CNGB1: variants seen among roughly 807,000 people sequenced by gnomAD.
CNGB1 encodes the protein cyclic nucleotide gated channel subunit beta 1, also known as cyclic nucleotide-gated channel beta-1.
In CNGB1, 126 loss-of-function variants were observed where a neutral mutation model predicts 151.7. That is an observed-to-expected ratio of 0.83 (90% CI 0.72 to 0.96). The LOEUF (loss-of-function observed/expected upper bound fraction) is 0.96. CNGB1 is among the 40% of genes least tolerant of loss of function. The pLI is 0.00. For missense variants in CNGB1, 1,698 were observed against 1,627.0 expected (o/e 1.04, Z -0.75); for synonymous variants, 623 against 635.1 (o/e 0.98, Z 0.29).
intron 27 of CNGB1, among the ~76,000 whole-genome samples, chr16:57,903,111 G>A (rs896482400): frequency 6.6e-6 from 1 of 151,720 alleles, no homozygotes; most frequent in South Asian, 2.1e-4. Flanking sequence ...GAGAGAAAGC[G>A]AGGAGAGAGG....
At chr16:57,925,479 G>C (rs1021965334) in intron 17 of CNGB1, among the ~76,000 whole-genome samples, 2 of 152,186 alleles carry the variant, frequency 1.3e-5, no homozygotes, top group African/African-American at 4.8e-5. Flanking sequence ...ATGCAAGTTG[G>C]GAGTGGTAGG....
intron 12 of CNGB1, chr16:57,955,215 G>T (rs1567394590): frequency 1.3e-6 from 2 of 1,534,434 alleles, no homozygotes; most frequent in African/African-American, 1.4e-5. Context: ...AGAGGGAGGG[G>T]TTCGCTGTTC....
intron 25 of CNGB1, among the ~76,000 whole-genome samples, chr16:57,906,489 G>A (rs1960555235): frequency 6.6e-6 from 1 of 152,202 alleles, no homozygotes; most frequent in Non-Finnish European, 1.5e-5. Flanking sequence ...TGGGGAGTGT[G>A]GTAGGGGCTC....
Position 57,882,766 on chromosome 16 carries a change from T to G in CNGB1, c.*1398A>C, listed in dbSNP as rs1461470703. ...ATCCTCTTGATAAATATTCATTCCC[T>G]GAATGACCCTTTTTTCTTTTTTTTT... On this transcript the variant is annotated 3_prime_UTR_variant, in exon 33 of 33. Coordinates refer to ENST00000251102, the MANE Select transcript of CNGB1 (RefSeq NM_001297.5). 8.6e-5 allele frequency: 13 copies of G among 151,890 alleles called. No individual in the cohort carries two copies. The highest frequency in any genetic ancestry group is 3.1e-4 in the African/African-American group (13 of 41,380). 9.4% of individuals were successfully genotyped at this position (151,890 alleles called of 1,614,324 possible).
intron 14 of CNGB1, among the ~76,000 whole-genome samples, chr16:57,944,340 CAGA>C (rs1961747070): frequency 6.6e-6 from 1 of 151,942 alleles, no homozygotes; most frequent in South Asian, 2.1e-4. Context: ...GTTGAACTCA[CAGA>C]AGGAGAGAAT....
chr16:57,929,490 ACTTTTT>A, intron 17 of CNGB1, among the ~76,000 whole-genome samples: 1 of 150,746 alleles, frequency 6.6e-6, no homozygotes, highest in East Asian at 1.9e-4. Flanking sequence ...AGAGAGAGAG[ACTTTTT>A]CTTTTTAATT....
chr16:57,921,952 G>A (rs1961048642), intron 18 of CNGB1, among the ~76,000 whole-genome samples: 1 of 152,016 alleles, frequency 6.6e-6, no homozygotes, highest in Non-Finnish European at 1.5e-5. Flanking sequence ...CTAATACATG[G>A]GTCTCCAAGG....
intron 31 of CNGB1, among the ~76,000 whole-genome samples, chr16:57,894,269 C>T (rs1353750509): frequency 2.0e-5 from 3 of 152,198 alleles, no homozygotes; most frequent in Admixed American, 6.5e-5. Context: ...CAAGAATCTA[C>T]AGCATGCCAT....
chr16:57,964,083 G>C, intron 4 of CNGB1, 47 bp downstream of exon 4: 1 of 1,584,146 alleles, frequency 6.3e-7, no homozygotes, highest in Non-Finnish European at 8.7e-7. Context: ...TGGGAGGGTA[G>C]TTGGGAGGCG....
intron 8 of CNGB1, 117 bp from the exon 9 acceptor site, chr16:57,960,647 G>A: frequency 7.2e-7 from 1 of 1,390,392 alleles, no homozygotes; most frequent in Non-Finnish European, 1.0e-6. Context: ...GGGGGTGGGG[G>A]GTGTCTCTCC....
At chr16:57,897,585 C>G (rs377324991) in intron 30 of CNGB1, 42 bp from the exon 31 acceptor site, 1 of 1,612,806 alleles carries the variant, frequency 6.2e-7, no homozygotes. Context: ...CAGAGACTGC[C>G]GTTTCGGTCA....
chr16:57,950,626 C>CTGCAGGGAG, intron 12 of CNGB1, 86 bp from the exon 13 acceptor site: 12 of 1,488,820 alleles, frequency 8.1e-6, no homozygotes, highest in South Asian at 2.3e-5. Context: ...TGCAGGGAGC[C>CTGCAGGGAG]CTGGCTGTCG....
intron 14 of CNGB1, 45 bp downstream of exon 14, chr16:57,949,308 C>G (rs768215662): frequency 1.2e-6 from 2 of 1,602,702 alleles, no homozygotes; most frequent in South Asian, 2.2e-5. Context: ...GCTCAGCCAA[C>G]CCCAGCCCCA....
intron 11 of CNGB1, 68 bp downstream of exon 11, chr16:57,958,342 C>T (rs1410335211): frequency 2.9e-6 from 3 of 1,023,366 alleles, no homozygotes; most frequent in African/African-American, 5.6e-5. Flanking sequence ...CCATCCTCCT[C>T]CTTACCCAAG....
intron 12 of CNGB1, chr16:57,955,393 G>T: frequency 6.5e-7 from 1 of 1,541,640 alleles, no homozygotes. Context: ...AAGACAGGGT[G>T]GGTGGCTGGG....
chr16:57,968,228 T>A (rs530149471), intron 1 of CNGB1, among the ~76,000 whole-genome samples: 12 of 152,346 alleles, frequency 7.9e-5, no homozygotes, highest in African/African-American at 2.9e-4. Flanking sequence ...CCAAGGGCAG[T>A]GGCTCACACC....
intron 31 of CNGB1, among the ~76,000 whole-genome samples, chr16:57,888,833 G>A (rs1960009944): frequency 6.6e-6 from 1 of 152,148 alleles, no homozygotes; most frequent in Non-Finnish European, 1.5e-5. Flanking sequence ...AAGATGCCCA[G>A]GTGGAAAAGG....
chr16:57,963,876 G>A, intron 4 of CNGB1: 1 of 569,110 alleles, frequency 1.8e-6, no homozygotes, highest in Non-Finnish European at 3.1e-6. Context: ...GAATGAATAG[G>A]GTGAATGGAG....
At chr16:57,907,439 C>T (rs542553857) in intron 25 of CNGB1, among the ~76,000 whole-genome samples, 1 of 152,380 alleles carries the variant, frequency 6.6e-6, no homozygotes, top group East Asian at 1.9e-4. Flanking sequence ...TTATTAACTC[C>T]TTTCCTGCCA....
Sources: allele counts gnomAD v4.1 joint callset (sites outside exome capture counted in the v4.1 genomes callset), GRCh38; gene constraint gnomAD v4.1.1; transcripts MANE v1.5; gene names NCBI Gene and HGNC (gene_info 2026-07-23, HGNC 2026-07-21).